Variants in TENM3 observed in about 807,000 individuals in gnomAD.
The protein encoded by TENM3 is teneurin transmembrane protein 3.
A neutral mutation model predicts 255.1 loss-of-function variants in TENM3; 63 were observed. The ratio of observed to expected loss-of-function variants is 0.25; its 90% CI spans 0.20 to 0.30. The LOEUF is 0.30. TENM3 is among the 10% of genes least tolerant of loss of function. The pLI, the probability that TENM3 is intolerant of heterozygous loss-of-function variation, is 1.00. For missense variants in TENM3, 2,929 were observed against 3,461.1 expected (o/e 0.85, Z 3.86); for synonymous variants, 1,306 against 1,322.3 (o/e 0.99, Z 0.27).
Position 182,799,960 on chromosome 4 carries a change from C to A in TENM3, c.7709C>A (p.Ala2570Glu). 3 of 1,591,128 alleles carry A rather than the reference C, an allele frequency of 1.9e-6. No individual in the cohort carries two copies. The highest frequency in any genetic ancestry group is 2.6e-6 in the Non-Finnish European group (3 of 1,169,516). ...CTGCGGTTGACCAGCGGCCGCAAGG[C>A]GCTGGAGAACGGCATCAACGTGACG... ...GTLRLTSGRK[A>E]LENGINVTVS... The change falls in exon 28 of 28, where the codon GCG (alanine) becomes GAG (glutamate). Residue 2570 changes from alanine to glutamate, a missense_variant. Around this residue, in one of 6 missense-constraint regions of TENM3, gnomAD observed 476 missense variants for 480.1 expected, o/e 0.99. Transcript: ENST00000511685. The surrounding 1 kb of genome is among the most constrained non-coding windows in gnomAD (Gnocchi z 4.2).
intron 3 of TENM3, among the ~76,000 whole-genome samples, chr4:182,584,211 G>A (rs1224067963): frequency 2.6e-5 from 4 of 152,162 alleles, no homozygotes; most frequent in Non-Finnish European, 4.4e-5. Context: ...AAACGACAAA[G>A]GATGTAATTT....
chr4:182,364,060 C>T lies in TENM3; in HGVS notation c.511+17131C>T, dbSNP rs534536213. 2.6e-5 allele frequency among the ~76,000 whole-genome samples: 4 copies of T among 151,886 alleles called. No homozygotes were observed. In the East Asian group the frequency reaches 5.8e-4, roughly 22 times the overall value. On this transcript the variant is annotated intron_variant, in intron 3 of 27. Transcript: ENST00000511685. ...AGGTGAACCAAATTATTTAAATGAA[C>T]CCATTTAAAGAGTTTGTGCTTTCAC... is the stretch of plus-strand genomic sequence containing the variant.
At chr4:182,105,205 A>G in the TENM3 span, among the ~76,000 whole-genome samples, 9 of 152,130 alleles carry the variant, frequency 5.9e-5, no homozygotes, top group Non-Finnish European at 1.3e-4. Context: ...AGAGCAAGAC[A>G]CTGTCTCAAA....
intron 3 of TENM3, among the ~76,000 whole-genome samples, chr4:182,374,090 G>A (rs972713691): frequency 3.9e-5 from 6 of 152,088 alleles, no homozygotes; most frequent in African/African-American, 1.4e-4. Context: ...ACAGTCACGT[G>A]TGAGTTTCAC....
At chr4:182,322,966 CG>C (rs1561319555) in intron 1 of TENM3, among the ~76,000 whole-genome samples, 3 of 151,944 alleles carry the variant, frequency 2.0e-5, no homozygotes, top group Admixed American at 1.3e-4. Flanking sequence ...GAGGAAAACA[CG>C]AAGGGCTGAA....
At chr4:181,898,269 C>CACAT in the TENM3 span, among the ~76,000 whole-genome samples, 1 of 151,490 alleles carries the variant, frequency 6.6e-6, no homozygotes, top group Non-Finnish European at 1.5e-5. Flanking sequence ...GCTACACACA[C>CACAT]ACACACACAC....
the TENM3 span, among the ~76,000 whole-genome samples, chr4:181,996,797 G>A: frequency 2.0e-5 from 3 of 152,290 alleles, no homozygotes; most frequent in African/African-American, 7.2e-5. Context: ...CTGGATACGG[G>A]AACAAGGGTG....
At chr4:181,577,895 A>C in the TENM3 span, among the ~76,000 whole-genome samples, 1 of 152,030 alleles carries the variant, frequency 6.6e-6, no homozygotes. Context: ...TTGTCCCCAG[A>C]AATTTGTTTT....
At chr4:182,050,123 G>C in the TENM3 span, among the ~76,000 whole-genome samples, 2 of 152,004 alleles carry the variant, frequency 1.3e-5, no homozygotes, top group African/African-American at 2.4e-5. Flanking sequence ...CTGCTGAGTA[G>C]CTGGGATTAC....
At chr4:181,863,780 A>ACC in the TENM3 span, among the ~76,000 whole-genome samples, 1 of 152,046 alleles carries the variant, frequency 6.6e-6, no homozygotes, top group East Asian at 1.9e-4. Context: ...AGATATACAT[A>ACC]CCCCAGACTA....
chr4:182,303,547 G>A (rs564639961), intron 1 of TENM3, among the ~76,000 whole-genome samples: 151 of 152,252 alleles, frequency 9.9e-4, no homozygotes, highest in Middle Eastern at 3.4e-3. Context: ...TAGTCAACGC[G>A]CTGTCATTGT....
At chr4:181,601,209 A>G in the TENM3 span, among the ~76,000 whole-genome samples, 1 of 152,204 alleles carries the variant, frequency 6.6e-6, no homozygotes, top group African/African-American at 2.4e-5. Context: ...CCAGTTCTGA[A>G]GGCCAGCTGT....
intron 3 of TENM3, among the ~76,000 whole-genome samples, chr4:182,438,920 A>C (rs555639090): frequency 4.6e-5 from 7 of 152,348 alleles, no homozygotes; most frequent in Admixed American, 4.6e-4. Context: ...ACATATTTTT[A>C]CAGTGGTTTC....
chr4:182,482,483 A>C (rs1275052406), intron 3 of TENM3, among the ~76,000 whole-genome samples: 1 of 152,204 alleles, frequency 6.6e-6, no homozygotes, highest in African/African-American at 2.4e-5. Flanking sequence ...GTAATCCTGC[A>C]ACTATTATTG....
At chr4:181,573,202 C>A in the TENM3 span, among the ~76,000 whole-genome samples, 2 of 152,132 alleles carry the variant, frequency 1.3e-5, no homozygotes, top group African/African-American at 4.8e-5. Context: ...GCAGTAAATA[C>A]AGGAGGGCAC....
At chr4:182,753,785 T>C (rs1762531596) in intron 21 of TENM3, among the ~76,000 whole-genome samples, 181 bp downstream of exon 21, 1 of 152,226 alleles carries the variant, frequency 6.6e-6, no homozygotes, top group African/African-American at 2.4e-5. Flanking sequence ...TCTATAATTC[T>C]ACATTTGATG....
At chr4:182,685,595 A>G (rs934940884) in intron 11 of TENM3, among the ~76,000 whole-genome samples, 1 of 152,162 alleles carries the variant, frequency 6.6e-6, no homozygotes, top group African/African-American at 2.4e-5. Context: ...TACCTACACT[A>G]AAAAACCCTT....
chr4:181,640,197 G>A, the TENM3 span, among the ~76,000 whole-genome samples: 1 of 152,124 alleles, frequency 6.6e-6, no homozygotes. Context: ...CCAATTCTCA[G>A]TCCCTACTCC....
chr4:181,988,667 C>T, the TENM3 span, among the ~76,000 whole-genome samples: 1 of 152,070 alleles, frequency 6.6e-6, no homozygotes, highest in Non-Finnish European at 1.5e-5. Context: ...CATAATGAAT[C>T]CCAGTTTATA....
Sources: allele counts gnomAD v4.1 joint callset (sites outside exome capture counted in the v4.1 genomes callset), GRCh38; gene constraint gnomAD v4.1.1; regional missense constraint gnomAD v4.1.1; non-coding constraint Gnocchi (gnomAD v3.1); transcripts MANE v1.5; gene names NCBI Gene and HGNC (gene_info 2026-07-23, HGNC 2026-07-21).